Variants in CX3CR1 observed in about 807,000 individuals in gnomAD.
CX3CR1 encodes the protein CX3C chemokine receptor 1.
For missense variants in CX3CR1, 363 were observed against 432.4 expected, an observed-to-expected ratio of 0.84 and a Z score of 1.42; for synonymous variants, 168 against 178.5, an observed-to-expected ratio of 0.94 and a Z score of 0.47.
Position 39,264,850 on chromosome 3 carries a change from G to A in CX3CR1, c.*592C>T, listed in dbSNP as rs984409313. ...GCTTCTCCATGAGATTGGACTGGAA[G>A]CTTCCATCTTATATATCCCTTCCCC... On this transcript the variant is annotated 3_prime_UTR_variant, in exon 2 of 2. Transcript: ENST00000399220. The A allele has an allele frequency of 6.6e-6, 1 of 152,404 alleles. No homozygotes were observed. The highest frequency in any genetic ancestry group is 2.4e-5 in the African/African-American group (1 of 41,466). 9.4% of individuals were successfully genotyped at this position (152,404 alleles called of 1,614,324 possible). A position where few individuals can be genotyped will look rare whatever the true frequency, so the allele number is the denominator to read the frequency against.
chr3:39,280,343 G>C, upstream of CX3CR1: 1 of 985,480 alleles, frequency 1.0e-6, no homozygotes, highest in African/African-American at 1.7e-5. Context: ...AGGAAGCTGG[G>C]AGAGCTCATG....
upstream of CX3CR1, among the ~76,000 whole-genome samples, chr3:39,282,102 T>C (rs2040908260): frequency 6.6e-6 from 1 of 152,214 alleles, no homozygotes; most frequent in Non-Finnish European, 1.5e-5. Flanking sequence ...CTGAGCGAGA[T>C]GTCAGCTCAT....
At chr3:39,278,655 CTTTT>C (rs55908068) in intron 1 of CX3CR1, among the ~76,000 whole-genome samples, 4 of 103,704 alleles carry the variant, frequency 3.9e-5, no homozygotes, top group Admixed American at 1.1e-4. Flanking sequence ...TTTTTCTTTT[CTTTT>C]TTTTTTTTTT....
At chr3:39,281,527 T>G, upstream of CX3CR1, 2 of 1,234,176 alleles carry the variant, frequency 1.6e-6, no homozygotes, top group South Asian at 1.3e-5. Flanking sequence ...TGAGCACACA[T>G]CTCTACCTCC....
chr3:39,279,378 TAC>T, intron 1 of CX3CR1, among the ~76,000 whole-genome samples: 1 of 152,238 alleles, frequency 6.6e-6, no homozygotes, highest in East Asian at 1.9e-4. Flanking sequence ...TATATTAAAA[TAC>T]AGATACAAAT....
At chr3:39,284,792 T>C (rs1014638), upstream of CX3CR1, among the ~76,000 whole-genome samples, 5 of 151,874 alleles carry the variant, frequency 3.3e-5, no homozygotes, top group Non-Finnish European at 7.4e-5. Context: ...CAAGTCAGGA[T>C]TGGAACTTCC....
the CX3CR1 span, among the ~76,000 whole-genome samples, chr3:39,292,479 C>G: frequency 6.6e-6 from 1 of 152,196 alleles, no homozygotes; most frequent in African/African-American, 2.4e-5. Flanking sequence ...ATAAGCCACA[C>G]AGAATCCTGC....
chr3:39,284,197 T>C (rs1382488094), upstream of CX3CR1, among the ~76,000 whole-genome samples: 1 of 152,136 alleles, frequency 6.6e-6, no homozygotes, highest in Admixed American at 6.5e-5. Context: ...TTTGTTTGTT[T>C]GTTTTTAGAC....
chr3:39,292,335 C>T, the CX3CR1 span, among the ~76,000 whole-genome samples: 4 of 146,670 alleles, frequency 2.7e-5, no homozygotes, highest in African/African-American at 9.7e-5. Context: ...CAGGTGGAAG[C>T]CCCTTCCCAT....
At chr3:39,281,073 G>A (rs951636337), upstream of CX3CR1, 14 of 991,160 alleles carry the variant, frequency 1.4e-5, no homozygotes, top group East Asian at 1.1e-4. Flanking sequence ...CGAGGACAGC[G>A]GGTGCTCTGT....
chr3:39,274,481 CAAAAAAAAAA>C (rs10663570), intron 1 of CX3CR1, among the ~76,000 whole-genome samples: 2 of 88,296 alleles, frequency 2.3e-5, no homozygotes, highest in Non-Finnish European at 4.3e-5. Flanking sequence ...CAACCACCAC[CAAAAAAAAAA>C]AAAAAAAAAA....
At chr3:39,281,772 C>T, upstream of CX3CR1, 2 of 1,095,586 alleles carry the variant, frequency 1.8e-6, no homozygotes, top group South Asian at 2.7e-5. Context: ...ACTTCCACTT[C>T]CCCCAACATG....
chr3:39,269,895 C>T (rs1215216776), intron 1 of CX3CR1, among the ~76,000 whole-genome samples: 1 of 152,252 alleles, frequency 6.6e-6, no homozygotes, highest in African/African-American at 2.4e-5. Context: ...GTACCAATAT[C>T]GCTTTCTATG....
upstream of CX3CR1, among the ~76,000 whole-genome samples, chr3:39,280,799 C>T (rs1033876760): frequency 3.9e-5 from 6 of 152,232 alleles, no homozygotes; most frequent in Non-Finnish European, 5.9e-5. Context: ...CATGCTTCTG[C>T]TCCCTGGCCT....
intron 1 of CX3CR1, among the ~76,000 whole-genome samples, chr3:39,275,052 AG>A (rs2040823613): frequency 6.6e-6 from 1 of 152,002 alleles, no homozygotes; most frequent in Non-Finnish European, 1.5e-5. Context: ...AGTAGAGACA[AG>A]GTTTCACCAT....
rs370799413 is a variant in CX3CR1, at chr3:39,266,025, G to A, written c.485C>T (p.Ala162Val). The change falls in exon 2 of 2, where the codon GCA becomes GTA. Residue 162 changes from alanine to valine, a missense_variant. Physicochemically the swap from Ala to Val is moderately conservative, Grantham distance 64. Coordinates refer to ENST00000399220, the MANE Select transcript of CX3CR1 (RefSeq NM_001337.4). ...CTGCTTTGTGAACATGAACTGGGGT[G>A]CTGCCACCAAAATGGCTGCTGCCCA... ...GVWAAAILVA[A>V]PQFMFTKQKE... 57 of 1,614,088 alleles carry A rather than the reference G, an allele frequency of 3.5e-5. No homozygotes were observed. The highest frequency in any genetic ancestry group is 4.5e-5 in the Non-Finnish European group (53 of 1,180,042).
chr3:39,281,774 C>A (rs1372781608), upstream of CX3CR1: 1 of 1,078,164 alleles, frequency 9.3e-7, no homozygotes, highest in Non-Finnish European at 1.4e-6. Context: ...TTCCACTTCC[C>A]CCAACATGCC....
Position 39,265,651 on chromosome 3 carries a change from AAC to A in CX3CR1, c.857_858del (p.Cys286LeufsTer37). The A allele has an allele frequency of 2.5e-6, 4 of 1,614,244 alleles. No homozygotes were observed. Among genetic ancestry groups the A allele is most frequent in the Non-Finnish European group, 3.4e-6 (4 of 1,180,048 alleles). On this transcript the variant is annotated frameshift_variant, in exon 2 of 2. Coordinates refer to ENST00000399220, the MANE Select transcript of CX3CR1 (RefSeq NM_001337.4). LOFTEE classifies it low-confidence loss of function (END_TRUNC). ...AATGCATAGATGAGAGGATTCAGGC[AAC>A]AATGGCTAAATGCAACCGTCTCAGT... ...SVTETVAFSH[C>X]CLNPLIYAFA...
In CX3CR1 at chr3:39,266,408, C is replaced by G; in HGVS notation, c.102G>C (p.Leu34=). Residue 34 remains leucine, a synonymous_variant, in exon 2 of 2, where the codon CTG becomes CTC. Coordinates refer to ENST00000399220, the MANE Select transcript of CX3CR1 (RefSeq NM_001337.4). ...GDIVVFGTVF[L]SIFYSVIFAI... ...CAAAGATGACGGAGTAGAATATGGA[C>G]AGGAACACAGTCCCAAAGACCACGA... 6.2e-7 allele frequency: 1 copy of G among 1,614,198 alleles called. No homozygotes were observed. The highest frequency in any genetic ancestry group is 1.3e-5 in the African/African-American group (1 of 75,040).
Sources: allele counts gnomAD v4.1 joint callset (sites outside exome capture counted in the v4.1 genomes callset), GRCh38; gene constraint gnomAD v4.1.1; transcripts MANE v1.5; gene names NCBI Gene and HGNC (gene_info 2026-07-23, HGNC 2026-07-21).